The following KCTD1 variants were observed in gnomAD, a reference collection of about 807,000 sequenced individuals.
The protein encoded by KCTD1 is potassium channel tetramerization domain containing 1.
KCTD1 carries 24 observed loss-of-function variants against 66.0 expected under a neutral mutation model. That is an observed-to-expected ratio of 0.36 (90% confidence interval 0.26 to 0.51). The LOEUF is 0.51. Ranked by LOEUF, KCTD1 falls within the 20% of genes least tolerant of loss-of-function variation. The pLI is 0.95. For synonymous variants in KCTD1, 511 were observed against 517.2 expected (o/e 0.99, Z 0.16); for missense variants, 943 against 1,205.2 (o/e 0.78, Z 3.22).
chr18:26,537,605 G>A (rs111611607), intron 1 of KCTD1, among the ~76,000 whole-genome samples: 2 of 152,246 alleles, frequency 1.3e-5, no homozygotes, highest in East Asian at 1.9e-4. Context: ...ACATAGTATC[G>A]AAGGCAGAAG....
intron 1 of KCTD1, among the ~76,000 whole-genome samples, chr18:26,577,790 T>C (rs1321668759): frequency 6.6e-6 from 1 of 152,080 alleles, no homozygotes; most frequent in Non-Finnish European, 1.5e-5. Context: ...TCCAAACTGG[T>C]CTTGAACACC....
At chr18:26,621,609 T>C (rs926838471) in intron 1 of KCTD1, among the ~76,000 whole-genome samples, 1 of 152,068 alleles carries the variant, frequency 6.6e-6, no homozygotes, top group Non-Finnish European at 1.5e-5. Flanking sequence ...AATGCACTAA[T>C]AGGAAACTTG....
At chr18:26,456,239 C>T in intron 4 of KCTD1, 1 of 202,672 alleles carries the variant, frequency 4.9e-6, no homozygotes, top group Non-Finnish European at 9.9e-6. Flanking sequence ...CCTCAAATCT[C>T]CTGTTTTTGT....
At chr18:26,586,657 A>G (rs1056333142) in intron 1 of KCTD1, among the ~76,000 whole-genome samples, 2 of 152,226 alleles carry the variant, frequency 1.3e-5, no homozygotes, top group Non-Finnish European at 2.9e-5. Flanking sequence ...TTTGAAGAAA[A>G]CTAAAAGTGC....
chr18:26,497,922 G>A (rs912829642), intron 2 of KCTD1, among the ~76,000 whole-genome samples: 3 of 152,202 alleles, frequency 2.0e-5, no homozygotes, highest in African/African-American at 7.2e-5. Context: ...GAATCCAGAT[G>A]TAAAGCTGCT....
intron 1 of KCTD1, among the ~76,000 whole-genome samples, chr18:26,614,270 T>C (rs1157653284): frequency 6.6e-6 from 1 of 152,254 alleles, no homozygotes; most frequent in Non-Finnish European, 1.5e-5. Context: ...TGTTTGCTGA[T>C]TTCTTCTCTG....
At chr18:26,474,721 T>A (rs75185916) in intron 3 of KCTD1, among the ~76,000 whole-genome samples, 2,546 of 152,334 alleles carry the variant, frequency 0.017, 36 homozygotes, top group Middle Eastern at 0.065. Context: ...ATGTTTCTTA[T>A]GGTCTGACAC....
At chr18:26,559,574 G>A (rs776270612) in intron 1 of KCTD1, among the ~76,000 whole-genome samples, 16 of 152,290 alleles carry the variant, frequency 1.1e-4, no homozygotes, top group Admixed American at 3.3e-4. Context: ...CATCCCCAGA[G>A]GGAAGAGTCA....
chr18:26,547,950 A>G lies in KCTD1; in HGVS notation c.587T>C (p.Phe196Ser). 1 of 1,542,796 alleles carries G rather than the reference A, an allele frequency of 6.5e-7. No individual in the cohort carries two copies. Among genetic ancestry groups the G allele is most frequent in the Non-Finnish European group, 8.7e-7 (1 of 1,146,626 alleles). Residue 196 changes from phenylalanine (F) to serine (S), a missense_variant, in exon 1 of 5, where the codon TTC (phenylalanine) becomes TCC (serine). Around this residue, in one of 10 missense-constraint regions of KCTD1, gnomAD observed 96 missense variants for 132.5 expected, o/e 0.72. Transcript: ENST00000580059. ...CAGCGCCCCCTTGTCCATGGTCTCG[A>G]AGTCCGGGCTCTGCGCCTTCTCGCT... Reference protein sequence around the residue: ...YLSEKAQSPDFETMDKGALCR... With the variant: ...YLSEKAQSPDSETMDKGALCR...
chr18:26,559,766 A>G (rs1033312538), intron 1 of KCTD1, among the ~76,000 whole-genome samples: 6 of 152,174 alleles, frequency 3.9e-5, no homozygotes, highest in Admixed American at 3.3e-4. Flanking sequence ...TTCCTTTCCA[A>G]TGGGGAAATT....
chr18:26,455,659 T>G lies in KCTD1; in HGVS notation c.*84A>C, dbSNP rs1980032901. On this transcript the variant is annotated 3_prime_UTR_variant, in exon 5 of 5. Transcript: ENST00000580059. ...ATTTTACGTCCAGGACTTGGTTTGCTGTCCCAACTGCACATAAATGTCCCT... is the reference window on the plus strand; with the variant it reads ...ATTTTACGTCCAGGACTTGGTTTGCGGTCCCAACTGCACATAAATGTCCCT... 1.3e-6 allele frequency: 2 copies of G among 1,572,208 alleles called. No individual in the cohort carries two copies. The highest frequency in any genetic ancestry group is 1.8e-5 in the Admixed American group (1 of 56,374).
At chr18:26,640,689 AG>A (rs1244089746), upstream of KCTD1, among the ~76,000 whole-genome samples, 17 of 152,262 alleles carry the variant, frequency 1.1e-4, no homozygotes, top group African/African-American at 4.1e-4. Flanking sequence ...TCAGGACAGG[AG>A]GAAGGTGAGG....
At chr18:26,623,223 A>G (rs571797623) in intron 1 of KCTD1, among the ~76,000 whole-genome samples, 101 of 152,248 alleles carry the variant, frequency 6.6e-4, no homozygotes, top group South Asian at 6.2e-4. Flanking sequence ...ATGTTCCTCA[A>G]TGCTTCTTTC....
At chr18:26,486,033 C>G (rs1981900892) in intron 2 of KCTD1, among the ~76,000 whole-genome samples, 1 of 151,472 alleles carries the variant, frequency 6.6e-6, no homozygotes, top group Non-Finnish European at 1.5e-5. Flanking sequence ...CCTGCCTCAG[C>G]CTTCTGAGTA....
intron 1 of KCTD1, among the ~76,000 whole-genome samples, chr18:26,504,383 C>G (rs1233722419): frequency 6.6e-6 from 1 of 152,134 alleles, no homozygotes; most frequent in African/African-American, 2.4e-5. Context: ...GCGCAGGCCA[C>G]TAATGCCCAG....
At chr18:26,522,448 C>T (rs1025781958) in intron 1 of KCTD1, among the ~76,000 whole-genome samples, 2 of 152,168 alleles carry the variant, frequency 1.3e-5, no homozygotes, top group African/African-American at 2.4e-5. Flanking sequence ...ACCACGCCGA[C>T]GACCTTGATC....
intron 1 of KCTD1, among the ~76,000 whole-genome samples, chr18:26,614,925 C>A (rs574120153): frequency 6.6e-6 from 1 of 152,340 alleles, no homozygotes; most frequent in East Asian, 1.9e-4. Flanking sequence ...ACAATTTGCT[C>A]ATTGATTGAT....
In KCTD1 at chr18:26,476,350, T is replaced by G. The variant is rs1014578487; in HGVS notation, c.2133+165A>C. On this transcript the variant is annotated intron_variant, in intron 3 of 4. Transcript: ENST00000580059. The surrounding 1 kb of genome is among the most constrained non-coding windows in gnomAD (Gnocchi z 4.9). ...GATCCTCTTTAAGTCATGTAGAAGTTTAATGGCCATAACCACTATTTCATG... is the reference window on the plus strand; with the variant it reads ...GATCCTCTTTAAGTCATGTAGAAGTGTAATGGCCATAACCACTATTTCATG... Among the ~76,000 whole-genome samples, 4 of 152,216 alleles carry G rather than the reference T, an allele frequency of 2.6e-5. No individual in the cohort carries two copies. The East Asian group carries it at 7.7e-4, about 29-fold the overall frequency.
chr18:26,484,158 C>T (rs935416168), intron 2 of KCTD1, among the ~76,000 whole-genome samples: 2 of 152,122 alleles, frequency 1.3e-5, no homozygotes, highest in African/African-American at 4.8e-5. Flanking sequence ...CTAGGACTAG[C>T]TCTTTAAGAT....
Sources: gnomAD v4.1 joint callset for allele counts (sites outside exome capture counted in the v4.1 genomes callset) on GRCh38, gnomAD v4.1.1 for gene constraint, gnomAD v4.1.1 regional missense constraint, Gnocchi (gnomAD v3.1) non-coding constraint, MANE v1.5 for transcripts, NCBI Gene and HGNC (gene_info 2026-07-23, HGNC 2026-07-21) for gene names.